The following HKDC1 variants were observed in gnomAD, a reference collection of about 807,000 sequenced individuals.
The protein encoded by HKDC1 is hexokinase HKDC1.
A neutral mutation model predicts 96.6 loss-of-function variants in HKDC1; 66 were observed. The observed-to-expected ratio is 0.68, with a 90% CI of 0.56 to 0.84. The LOEUF (loss-of-function observed/expected upper bound fraction) is 0.84. Among genes scored for constraint, HKDC1 ranks in the 40% least tolerant of loss-of-function variants. The pLI is 0.00. For missense variants in HKDC1, 1,211 were observed against 1,208.1 expected (o/e 1.00, Z -0.04); for synonymous variants, 466 against 473.1 (o/e 0.98, Z 0.20).
chr10:69,233,627 G>A (rs1170796769), intron 4 of HKDC1, among the ~76,000 whole-genome samples: 1 of 152,046 alleles, frequency 6.6e-6, no homozygotes, highest in African/African-American at 2.4e-5. Context: ...GACCAGGCGC[G>A]GTGGCTCACG....
Position 69,267,385 on chromosome 10 carries a change from T to C in HKDC1, c.*628T>C. 1 of 427,132 alleles carries C rather than the reference T, an allele frequency of 2.3e-6. No individual in the cohort carries two copies. Among genetic ancestry groups the C allele is most frequent in the Non-Finnish European group, 4.6e-6 (1 of 218,532 alleles). The allele number at this position is 427,132 out of a possible 1,614,324, so 26.5% of individuals were successfully genotyped here. A position where few individuals can be genotyped will look rare whatever the true frequency, so the allele number is the denominator to read the frequency against. ...TAAAGCGAGTTATGTCAGCACCCTG[T>C]AGGATTTTGTTCCTTATTAAGTGTG... is the stretch of plus-strand genomic sequence containing the variant. On this transcript the variant is annotated 3_prime_UTR_variant, in exon 18 of 18. Transcript: ENST00000354624.
chr10:69,232,996 G>T lies in HKDC1; in HGVS notation c.376-18G>T, dbSNP rs370639938. On this transcript the variant is annotated intron_variant, in intron 3 of 17. Coordinates refer to ENST00000354624, the MANE Select transcript of HKDC1 (RefSeq NM_025130.4). ...AACCACACCTTAGCCCATGTACTTT[G>T]CTTTCTCTTCTCTGCAGCTGTTTGA... 8 of 1,613,462 alleles carry T rather than the reference G, an allele frequency of 5.0e-6. No individual in the cohort carries two copies. Among genetic ancestry groups the T allele is most frequent in the South Asian group, 4.4e-5 (4 of 91,088 alleles).
chr10:69,267,189 A>T lies in HKDC1; in HGVS notation c.*432A>T, dbSNP rs922894180. The T allele has an allele frequency of 2.3e-5, 6 of 258,432 alleles. No homozygotes were observed. Among genetic ancestry groups the T allele is most frequent in the African/African-American group, 1.4e-4 (6 of 43,876 alleles). The allele number at this position is 258,432 out of a possible 1,614,324, so 16.0% of individuals were successfully genotyped here. ...TTGGACCCTGTACTTGTGGATGAAC[A>T]TTGGAGAGCAAGAGGAACTCACGTT... On this transcript the variant is annotated 3_prime_UTR_variant, in exon 18 of 18. Transcript: ENST00000354624.
Position 69,247,403 on chromosome 10 carries a change from C to T in HKDC1, c.1075C>T (p.Leu359=). 1 of 1,614,034 alleles carries T rather than the reference C, an allele frequency of 6.2e-7. No homozygotes were observed. The highest frequency in any genetic ancestry group is 8.5e-7 in the Non-Finnish European group (1 of 1,179,994). ...LANTREILVD[L]GLEPSEADCI... is the part of the protein sequence containing the mutation. The stretch of plus-strand genomic sequence containing the variant: ...TAATACAAGAGAGATCCTGGTGGAC[C>T]TGGGTCTGGAACCGTCTGAGGCTGA... The change falls in exon 9 of 18, where the codon CTG becomes TTG. Residue 359 remains leucine (L), a synonymous_variant. Transcript: ENST00000354624.
At chr10:69,226,214 A>T (rs779543234) in intron 1 of HKDC1, among the ~76,000 whole-genome samples, 1 of 152,208 alleles carries the variant, frequency 6.6e-6, no homozygotes. Flanking sequence ...AGTGATTTGT[A>T]TAACTTCCCT....
chr10:69,258,792 G>T lies in HKDC1; in HGVS notation c.2049G>T (p.Met683Ile), dbSNP rs1445201241. ...IGLIAGTGSN[M>I]CYMEDMRNIE... ...TCCTTCTAGGAACAGGCAGCAACAT[G>T]TGCTACATGGAGGACATGAGGAACA... The change falls in exon 15 of 18, where the codon ATG (methionine) becomes ATT (isoleucine). Residue 683 changes from methionine (M) to isoleucine (I), a missense_variant. Transcript: ENST00000354624. 1 of 1,614,180 alleles carries T rather than the reference G, an allele frequency of 6.2e-7. No individual in the cohort carries two copies. The highest frequency in any genetic ancestry group is 2.2e-5 in the East Asian group (1 of 44,876).
At chr10:69,229,507 C>T (rs1203619109) in intron 2 of HKDC1, among the ~76,000 whole-genome samples, 1 of 152,182 alleles carries the variant, frequency 6.6e-6, no homozygotes, top group Non-Finnish European at 1.5e-5. Flanking sequence ...TGGGAGGAAG[C>T]AGCTGAGTCA....
At chr10:69,256,972 G>A in intron 12 of HKDC1, 64 bp from the exon 13 acceptor site, 2 of 1,210,982 alleles carry the variant, frequency 1.7e-6, no homozygotes, top group East Asian at 2.3e-5. Context: ...TCTGTTGGAT[G>A]TTGAGGTTGT....
rs953434900 is a variant in HKDC1 at position 69,240,261 on chromosome 10, T to C, written c.592-391T>C. The stretch of plus-strand genomic sequence containing the variant: ...AGGAGTTTGAGGCTGTGGTGTGCTA[T>C]GTTTGTACCTGTGAACAGCCATCAC... On this transcript the variant is annotated intron_variant, in intron 5 of 17. Transcript: ENST00000354624. Among the ~76,000 whole-genome samples, 7 of 152,092 alleles carry C rather than the reference T, an allele frequency of 4.6e-5. No individual in the cohort carries two copies. In the East Asian group the frequency reaches 1.2e-3, roughly 25 times the overall value.
intron 10 of HKDC1, among the ~76,000 whole-genome samples, chr10:69,249,869 G>A (rs747017365): frequency 6.6e-6 from 1 of 152,276 alleles, no homozygotes; most frequent in Non-Finnish European, 1.5e-5. Context: ...TGGGGCTCCC[G>A]AGAAGGCTGT....
At chr10:69,237,009 G>A (rs1052661549) in intron 4 of HKDC1, among the ~76,000 whole-genome samples, 10 of 152,048 alleles carry the variant, frequency 6.6e-5, no homozygotes, top group Non-Finnish European at 1.5e-4. Context: ...GAGTGGGTTC[G>A]GTAACACTAG....
chr10:69,232,014 TACAGACCAGCAAC>T (rs1028797268), intron 2 of HKDC1, among the ~76,000 whole-genome samples: 32 of 152,216 alleles, frequency 2.1e-4, no homozygotes, highest in African/African-American at 7.5e-4. Context: ...AACTATGGTC[TACAGACCAGCAAC>T]AGCAGCAACA....
At chr10:69,252,890 C>T (rs1389472838) in intron 12 of HKDC1, among the ~76,000 whole-genome samples, 10 of 151,242 alleles carry the variant, frequency 6.6e-5, no homozygotes, top group Non-Finnish European at 1.0e-4. Context: ...ATCCTAGCAC[C>T]GTGGGAGGCC....
At position 69,252,451 on chromosome 10, in the gene HKDC1, C is replaced by T. The variant is rs148647223; in HGVS notation, c.1836+1799C>T. ...ACGAGGTCAGGAGATGGAGATCATC[C>T]TGGCTAACATGGTGAAACCCCGTCT... On this transcript the variant is annotated intron_variant, in intron 12 of 17. Transcript: ENST00000354624. 3.2e-3 allele frequency among the ~76,000 whole-genome samples: 480 copies of T among 152,098 alleles called. 1 individual carries two copies. The highest frequency in any genetic ancestry group is 0.011 in the African/African-American group (455 of 41,496).
At chr10:69,239,207 G>C (rs1240604817) in intron 5 of HKDC1, 70 bp downstream of exon 5, 1 of 1,173,946 alleles carries the variant, frequency 8.5e-7, no homozygotes, top group East Asian at 2.4e-5. Flanking sequence ...GGTGGGGCTG[G>C]GGGTGAGGTG....
intron 4 of HKDC1, among the ~76,000 whole-genome samples, chr10:69,235,050 C>A (rs140025788): frequency 6.6e-6 from 1 of 152,190 alleles, no homozygotes; most frequent in East Asian, 1.9e-4. Flanking sequence ...ATTGCTTGAG[C>A]CAGGGAGTCC....
chr10:69,230,172 T>TGCCTTA (rs1368728766), intron 2 of HKDC1, among the ~76,000 whole-genome samples: 1 of 152,182 alleles, frequency 6.6e-6, no homozygotes. Context: ...CAGGATCAAG[T>TGCCTTA]GCCTTAAAAG....
chr10:69,227,825 G>A (rs956808348), intron 2 of HKDC1, among the ~76,000 whole-genome samples: 8 of 152,152 alleles, frequency 5.3e-5, no homozygotes, highest in African/African-American at 1.9e-4. Context: ...AGCACCTAGT[G>A]TAGCACTGGG....
chr10:69,230,552 G>A (rs909765291), intron 2 of HKDC1, among the ~76,000 whole-genome samples: 3 of 152,204 alleles, frequency 2.0e-5, no homozygotes, highest in Admixed American at 2.0e-4. Flanking sequence ...GGCAGTTCAT[G>A]GAGGGTCCTC....
Sources: allele counts gnomAD v4.1 joint callset (sites outside exome capture counted in the v4.1 genomes callset), GRCh38; gene constraint gnomAD v4.1.1; transcripts MANE v1.5; gene names NCBI Gene and HGNC (gene_info 2026-07-23, HGNC 2026-07-21).